Variants in CASP1 observed in about 807,000 individuals in gnomAD.
The protein encoded by CASP1 is caspase-1.
CASP1 carries 31 observed loss-of-function variants against 41.2 expected under a neutral mutation model. The observed-to-expected ratio is 0.75, with a 90% CI of 0.57 to 1.02. CASP1 has a LOEUF of 1.02. Among genes scored for constraint, CASP1 ranks in the 50% least tolerant of loss-of-function variants. The pLI is 0.00. For synonymous variants in CASP1, 163 were observed against 166.5 expected (o/e 0.98, Z 0.16); for missense variants, 490 against 495.7 (o/e 0.99, Z 0.11).
intron 6 of CASP1, 50 bp from the exon 7 acceptor site, chr11:105,029,317 GT>G: frequency 6.6e-7 from 1 of 1,526,548 alleles, no homozygotes; most frequent in Non-Finnish European, 9.0e-7. Flanking sequence ...CTGAGAAGAT[GT>G]TTTCCTCCTA....
chr11:105,030,653 T>G, intron 4 of CASP1, 150 bp from the exon 5 acceptor site: 2 of 639,008 alleles, frequency 3.1e-6, no homozygotes, highest in South Asian at 4.1e-5. Flanking sequence ...AATTGAATGC[T>G]GCTTCAAGAG....
In CASP1 at chr11:105,033,063, C is replaced by T. The variant is rs1416286447; in HGVS notation, c.337+1G>A. On this transcript the variant is annotated splice_donor_variant, in intron 3 of 8. Transcript: ENST00000533400. LOFTEE classifies it high-confidence loss of function. ...TGCTCTTCCTTTAAAAACAGCATTA[C>T]CTGGAAAGGAAGAAAGTACTCCTTG... 1 of 1,559,882 alleles carries T rather than the reference C, an allele frequency of 6.4e-7. No individual in the cohort carries two copies. Among genetic ancestry groups the T allele is most frequent in the Non-Finnish European group, 8.8e-7 (1 of 1,133,034 alleles).
chr11:105,036,133 A>G (rs1864008907), upstream of CASP1, among the ~76,000 whole-genome samples: 1 of 152,232 alleles, frequency 6.6e-6, no homozygotes. Context: ...TGCATGGAAC[A>G]TAGCCTGGCA....
At position 105,029,252 on chromosome 11, in the gene CASP1, A is replaced by G; in HGVS notation, c.878T>C (p.Val293Ala). ...QACRGDSPGV[V>A]WFKDSVGVSG... ...AACTCCTACTGAATCTTTAAACCAC[A>G]CCACACCAGGGCTGTCTGGAAAGAC... The change falls in exon 7 of 9, where the codon GTG (valine) becomes GCG (alanine). Residue 293 changes from valine (V) to alanine (A), a missense_variant. Physicochemically the swap from Val to Ala is moderately conservative, Grantham distance 64 (BLOSUM62 0). Transcript: ENST00000533400. 6.2e-7 allele frequency: 1 copy of G among 1,612,822 alleles called. No individual in the cohort carries two copies. Among genetic ancestry groups the G allele is most frequent in the Non-Finnish European group, 8.5e-7 (1 of 1,179,438 alleles).
intron 3 of CASP1, 125 bp from the exon 4 acceptor site, chr11:105,031,405 T>A: frequency 1.8e-6 from 1 of 559,088 alleles, no homozygotes; most frequent in Admixed American, 3.1e-5. Context: ...ACAATCCTGA[T>A]CTACATCATT....
In CASP1 at chr11:105,025,542, A is replaced by C. The variant is rs1232107479; in HGVS notation, c.*716T>G. On this transcript the variant is annotated 3_prime_UTR_variant, in exon 9 of 9. Transcript: ENST00000533400. ...TTCTACCAGATTTATTATTTCAAAA[A>C]AGTTTATTATTCAGCAGACATAATT... The C allele has an allele frequency of 2.3e-6, 1 of 426,406 alleles. No homozygotes were observed. The highest frequency in any genetic ancestry group is 2.9e-5 in the Admixed American group (1 of 34,028). The allele number at this position is 426,406 out of a possible 1,614,324, so 26.4% of individuals were successfully genotyped here.
chr11:105,035,462 A>G (rs781376071), upstream of CASP1, among the ~76,000 whole-genome samples: 1 of 152,108 alleles, frequency 6.6e-6, no homozygotes, highest in Non-Finnish European at 1.5e-5. Flanking sequence ...TATGTGAACC[A>G]CTGTTCCCCT....
intron 4 of CASP1, chr11:105,030,962 T>G: frequency 3.8e-6 from 2 of 520,922 alleles, no homozygotes; most frequent in South Asian, 4.6e-5. Flanking sequence ...CTGATGTTAT[T>G]TACCCCGGAA....
At chr11:105,027,158 G>A (rs1863358573) in intron 7 of CASP1, 1 of 622,038 alleles carries the variant, frequency 1.6e-6, no homozygotes, top group African/African-American at 1.8e-5. Flanking sequence ...ATTACTGACT[G>A]TGATTTAAGT....
At chr11:105,031,506 G>A (rs1863696374) in intron 3 of CASP1, among the ~76,000 whole-genome samples, 1 of 152,066 alleles carries the variant, frequency 6.6e-6, no homozygotes. Flanking sequence ...TCATATTTCA[G>A]GATCAGCCTT....
chr11:105,033,065 T>A lies in CASP1; in HGVS notation c.336A>T (p.Pro112=). ...CTCTTCCTTTAAAAACAGCATTACC[T>A]GGAAAGGAAGAAAGTACTCCTTGAG... is the stretch of plus-strand genomic sequence containing the variant. ...QDSQGVLSSF[P]APQAVQDNPA... The change falls in exon 3 of 9, where the codon CCA becomes CCT. Residue 112 remains proline (P), a splice_region_variant and synonymous_variant. Transcript: ENST00000533400. 6.4e-7 allele frequency: 1 copy of A among 1,565,826 alleles called. No homozygotes were observed. The highest frequency in any genetic ancestry group is 2.2e-5 in the East Asian group (1 of 44,568).
intron 8 of CASP1, 136 bp downstream of exon 8, chr11:105,026,706 A>G (rs1863313192): frequency 6.3e-6 from 4 of 636,686 alleles, no homozygotes; most frequent in African/African-American, 3.7e-5. Flanking sequence ...CCACTCTCCA[A>G]AGAACTCCAA....
chr11:105,035,329 AG>A, upstream of CASP1: 1 of 605,774 alleles, frequency 1.7e-6, no homozygotes, highest in Non-Finnish European at 2.9e-6. Flanking sequence ...TCAGGGTAGG[AG>A]GGGAATGGGG....
rs201809300 is a variant in CASP1, at chr11:105,034,250, C to T, written c.232G>A (p.Glu78Lys). 172 of 1,614,142 alleles carry T rather than the reference C, an allele frequency of 1.1e-4. No homozygotes were observed. The African/African-American group carries it at 2.1e-3, about 20-fold the overall frequency. Residue 78 changes from glutamate (E) to lysine (K), a missense_variant, in exon 2 of 9, where the codon GAA becomes AAA. Transcript: ENST00000533400. ...GTCCCTGCCAGGTAACTGTCTTCTT[C>T]ACAAATGTATGTGATGCAAATTTGG... ...ACQICITYIC[E>K]EDSYLAGTLG...
In CASP1 at chr11:105,034,185, G is replaced by A. The variant is rs764024432; in HGVS notation, c.274+23C>T. On this transcript the variant is annotated intron_variant, in intron 2 of 8. Transcript: ENST00000533400. ...ACGAAGACAGGCCCTAGGTGAACTT[G>A]AGTGTAAGTCACTGACCCTTACCTG... is the stretch of plus-strand genomic sequence containing the variant. The A allele has an allele frequency of 8.7e-6, 14 of 1,613,722 alleles. No homozygotes were observed. In the South Asian group the frequency reaches 8.8e-5, roughly 10 times the overall value.
intron 7 of CASP1, among the ~76,000 whole-genome samples, chr11:105,028,296 C>G (rs1415272820): frequency 3.3e-5 from 5 of 152,042 alleles, no homozygotes; most frequent in Non-Finnish European, 7.4e-5. Flanking sequence ...GAGACAGGGC[C>G]TTTGGGCCAG....
At chr11:105,030,593 C>T in intron 4 of CASP1, 90 bp from the exon 5 acceptor site, 3 of 1,122,566 alleles carry the variant, frequency 2.7e-6, no homozygotes, top group Non-Finnish European at 3.9e-6. Flanking sequence ...CTTCCTTAGT[C>T]CTATCAAGAT....
chr11:105,034,480 T>C lies in CASP1; in HGVS notation c.8-6A>G. 1.2e-6 allele frequency: 2 copies of C among 1,613,882 alleles called. No homozygotes were observed. Among genetic ancestry groups the C allele is most frequent in the African/African-American group, 2.7e-5 (2 of 75,040 alleles). ...CTTCTCCTTCAGGACCTTGTCTGTT[T>C]AGAGCACAAGGATTTCTCACATCAT... is the stretch of plus-strand genomic sequence containing the variant. On this transcript the variant is annotated splice_polypyrimidine_tract_variant and splice_region_variant and intron_variant, in intron 1 of 8. Transcript: ENST00000533400.
At chr11:105,033,644 T>C (rs1310270566) in intron 2 of CASP1, among the ~76,000 whole-genome samples, 1 of 152,116 alleles carries the variant, frequency 6.6e-6, no homozygotes, top group Non-Finnish European at 1.5e-5. Flanking sequence ...CCAGGTGATC[T>C]TACTCAAAGA....
Sources: allele counts gnomAD v4.1 joint callset (sites outside exome capture counted in the v4.1 genomes callset), GRCh38; gene constraint gnomAD v4.1.1; transcripts MANE v1.5; gene names NCBI Gene and HGNC (gene_info 2026-07-23, HGNC 2026-07-21).